Variants in ARHGAP15 observed in about 807,000 individuals in gnomAD.
The protein encoded by ARHGAP15 is Rho GTPase activating protein 15.
A neutral mutation model predicts 63.7 loss-of-function variants in ARHGAP15; 51 were observed. The ratio of observed to expected loss-of-function variants is 0.80; its 90% CI spans 0.64 to 1.01. The LOEUF is 1.01. Among genes scored for constraint, ARHGAP15 ranks in the 50% least tolerant of loss-of-function variants. The pLI is 0.00. For synonymous variants in ARHGAP15, 191 were observed against 193.8 expected, an observed-to-expected ratio of 0.99 and a Z score of 0.12; for missense variants, 560 against 564.6, an observed-to-expected ratio of 0.99 and a Z score of 0.08.
intron 8 of ARHGAP15, among the ~76,000 whole-genome samples, chr2:143,441,285 G>C (rs114314431): frequency 0.023 from 3,538 of 152,098 alleles, 58 homozygotes; most frequent in Non-Finnish European, 0.038. Context: ...ATCTAAGTAC[G>C]AGCAGCTGGT....
At chr2:143,696,792 G>A (rs978805963) in intron 12 of ARHGAP15, among the ~76,000 whole-genome samples, 2 of 152,170 alleles carry the variant, frequency 1.3e-5, no homozygotes, top group Non-Finnish European at 2.9e-5. Flanking sequence ...GTAGAAAAGA[G>A]GTGATCAGTT....
rs1158394205 is a variant in ARHGAP15 at position 143,489,315 on chromosome 2, T to G, written c.826+1820T>G. Among the ~76,000 whole-genome samples the G allele has an allele frequency of 2.0e-5, 3 of 152,332 alleles. No individual in the cohort carries two copies. The East Asian group carries it at 5.8e-4, about 29-fold the overall frequency. ...CTAAACACACTCTGATTCATGCATT[T>G]CTTATCTTAGAGCTCCATTAAATTT... On this transcript the variant is annotated intron_variant, in intron 9 of 13. Coordinates refer to ENST00000295095, the MANE Select transcript of ARHGAP15 (RefSeq NM_018460.4).
intron 6 of ARHGAP15, among the ~76,000 whole-genome samples, chr2:143,301,413 T>C (rs1682890222): frequency 6.6e-6 from 1 of 151,882 alleles, no homozygotes; most frequent in Non-Finnish European, 1.5e-5. Flanking sequence ...TTCTTAAAGG[T>C]GACAAAAGCA....
At chr2:143,216,497 G>T (rs1445765531) in intron 4 of ARHGAP15, 52 bp downstream of exon 4, 1 of 1,350,466 alleles carries the variant, frequency 7.4e-7, no homozygotes, top group East Asian at 2.3e-5. Flanking sequence ...TTCTTCATAT[G>T]CTAAACTTGT....
chr2:143,520,840 A>G (rs1694033303), intron 10 of ARHGAP15, among the ~76,000 whole-genome samples: 1 of 152,178 alleles, frequency 6.6e-6, no homozygotes, highest in Admixed American at 6.6e-5. Flanking sequence ...GGCGTTGGGG[A>G]AGCACATAAT....
chr2:143,373,033 T>C (rs1686631441), intron 6 of ARHGAP15, among the ~76,000 whole-genome samples: 1 of 144,132 alleles, frequency 6.9e-6, no homozygotes, highest in Admixed American at 7.1e-5. Flanking sequence ...TTTAAGCAAT[T>C]ATATTCAAAA....
intron 12 of ARHGAP15, among the ~76,000 whole-genome samples, chr2:143,628,040 C>G (rs1474328259): frequency 1.3e-5 from 2 of 151,826 alleles, no homozygotes; most frequent in African/African-American, 4.8e-5. Flanking sequence ...CCATGTGTAC[C>G]CAGTGTTCAG....
rs770410507 is a variant in ARHGAP15 at position 143,598,296 on chromosome 2, C to A, written c.1004-25837C>A. 2.0e-5 allele frequency among the ~76,000 whole-genome samples: 3 copies of A among 152,202 alleles called. No individual in the cohort carries two copies. In the South Asian group the frequency reaches 6.2e-4, roughly 32 times the overall value. On this transcript the variant is annotated intron_variant, in intron 11 of 13. Coordinates refer to ENST00000295095, the MANE Select transcript of ARHGAP15 (RefSeq NM_018460.4). ...GTGGTGTAAAATAAAAGTCTAGATA[C>A]GGATCAAATCTTGGTCAAAAATAGC...
At chr2:143,224,756 GACAAT>G (rs1367524816) in intron 4 of ARHGAP15, among the ~76,000 whole-genome samples, 1 of 152,206 alleles carries the variant, frequency 6.6e-6, no homozygotes, top group Non-Finnish European at 1.5e-5. Context: ...CTCCAGAGCT[GACAAT>G]GCCTTACGAG....
At chr2:143,238,423 A>G (rs1463597554) in intron 5 of ARHGAP15, 2 of 152,238 alleles carry the variant, frequency 1.3e-5, no homozygotes, top group Non-Finnish European at 2.9e-5. Flanking sequence ...ACATATATGC[A>G]GCCAAAAAAC....
chr2:143,252,626 G>C (rs1680214559), intron 6 of ARHGAP15, among the ~76,000 whole-genome samples: 1 of 151,962 alleles, frequency 6.6e-6, no homozygotes, highest in Admixed American at 6.6e-5. Context: ...CAAGTTTCAT[G>C]TTCTGTTTCA....
At chr2:143,630,060 T>C (rs1279142675) in intron 12 of ARHGAP15, among the ~76,000 whole-genome samples, 1 of 152,162 alleles carries the variant, frequency 6.6e-6, no homozygotes, top group Middle Eastern at 3.2e-3. Context: ...CTATGTCATC[T>C]TATATAAGAC....
At chr2:143,557,471 G>A (rs1169658809) in intron 11 of ARHGAP15, among the ~76,000 whole-genome samples, 1 of 151,974 alleles carries the variant, frequency 6.6e-6, no homozygotes, top group Non-Finnish European at 1.5e-5. Flanking sequence ...GACGAGCTTG[G>A]GGGAAAGAGG....
intron 2 of ARHGAP15, among the ~76,000 whole-genome samples, chr2:143,187,061 A>G (rs1433986982): frequency 6.6e-6 from 1 of 152,126 alleles, no homozygotes; most frequent in East Asian, 1.9e-4. Flanking sequence ...GTGGCCCCTC[A>G]CCCGCTAATA....
At chr2:143,476,537 T>C (rs1691825494) in intron 8 of ARHGAP15, among the ~76,000 whole-genome samples, 1 of 152,186 alleles carries the variant, frequency 6.6e-6, no homozygotes, top group Non-Finnish European at 1.5e-5. Flanking sequence ...GCTGTATGTG[T>C]TTATGGGCAG....
At chr2:143,271,708 C>T (rs1681293698) in intron 6 of ARHGAP15, among the ~76,000 whole-genome samples, 2 of 152,210 alleles carry the variant, frequency 1.3e-5, no homozygotes, top group African/African-American at 4.8e-5. Context: ...GCGCTCCTGA[C>T]CTCGTGATCC....
intron 10 of ARHGAP15, among the ~76,000 whole-genome samples, chr2:143,552,289 G>A (rs1208377537): frequency 6.6e-6 from 1 of 152,132 alleles, no homozygotes; most frequent in East Asian, 1.9e-4. Context: ...CATCTGCATG[G>A]TTTGTCCATC....
At chr2:143,374,112 A>C (rs1401134893) in intron 6 of ARHGAP15, among the ~76,000 whole-genome samples, 1 of 152,228 alleles carries the variant, frequency 6.6e-6, no homozygotes, top group Non-Finnish European at 1.5e-5. Context: ...TTTCTCAAAG[A>C]ATTGGCAAAG....
intron 3 of ARHGAP15, among the ~76,000 whole-genome samples, chr2:143,214,040 T>G (rs1692654197): frequency 6.6e-6 from 1 of 152,240 alleles, no homozygotes; most frequent in South Asian, 2.1e-4. Flanking sequence ...TATAAGAGTA[T>G]TAGCTTTTTC....
Sources: gnomAD v4.1 joint callset for allele counts (sites outside exome capture counted in the v4.1 genomes callset) on GRCh38, gnomAD v4.1.1 for gene constraint, MANE v1.5 for transcripts, NCBI Gene and HGNC (gene_info 2026-07-23, HGNC 2026-07-21) for gene names.